PTPRT: variants seen among roughly 807,000 people sequenced by gnomAD.
PTPRT encodes the protein protein tyrosine phosphatase receptor type T.
Under a neutral mutation model 176.8 loss-of-function variants are expected in PTPRT, and 56 were observed. The observed-to-expected ratio is 0.32, with a 90% CI of 0.26 to 0.40. PTPRT has a LOEUF of 0.40. Ranked by LOEUF, PTPRT falls within the 10% of genes least tolerant of loss-of-function variation. The pLI, the probability that PTPRT is intolerant of heterozygous loss-of-function variation, is 1.00. For missense variants in PTPRT, 1,540 were observed against 1,908.2 expected, an observed-to-expected ratio of 0.81 and a Z score of 3.60; for synonymous variants, 783 against 739.0, an observed-to-expected ratio of 1.06 and a Z score of -0.96.
At chr20:42,033,232 C>A in the PTPRT span, among the ~76,000 whole-genome samples, 2 of 152,162 alleles carry the variant, frequency 1.3e-5, no homozygotes, top group Non-Finnish European at 2.9e-5. Flanking sequence ...TCTGAAACAT[C>A]CTTGGAATTT....
At chr20:42,389,451 T>C (rs996134471) in intron 9 of PTPRT, among the ~76,000 whole-genome samples, 10 of 152,142 alleles carry the variant, frequency 6.6e-5, no homozygotes, top group African/African-American at 2.2e-4. Context: ...CAAAACCATA[T>C]ATTGGAAACT....
At chr20:42,132,987 G>C (rs1224939537) in intron 18 of PTPRT, among the ~76,000 whole-genome samples, 1 of 152,202 alleles carries the variant, frequency 6.6e-6, no homozygotes, top group African/African-American at 2.4e-5. Context: ...GGGATGATTA[G>C]ACTTAGGTTT....
intron 1 of PTPRT, among the ~76,000 whole-genome samples, chr20:43,075,654 G>A (rs2011255420): frequency 6.6e-6 from 1 of 152,208 alleles, no homozygotes. Context: ...CCTGACTTTG[G>A]TTAGGCAACT....
intron 9 of PTPRT, among the ~76,000 whole-genome samples, chr20:42,429,957 G>A (rs573885501): frequency 2.0e-5 from 3 of 152,348 alleles, no homozygotes; most frequent in African/African-American, 7.2e-5. Flanking sequence ...GGGCAAGCCC[G>A]CAAGGGCTGA....
chr20:42,892,901 C>T (rs1009824181), intron 1 of PTPRT, among the ~76,000 whole-genome samples: 2 of 152,130 alleles, frequency 1.3e-5, no homozygotes, highest in African/African-American at 4.8e-5. Context: ...TTAAAAAGGA[C>T]CTCCATTCAC....
intron 6 of PTPRT, among the ~76,000 whole-genome samples, chr20:42,735,544 T>G (rs2076527039): frequency 6.6e-6 from 1 of 152,244 alleles, no homozygotes; most frequent in Non-Finnish European, 1.5e-5. Context: ...TTTTTATTTC[T>G]TTTAGGCTGA....
At position 42,135,094 on chromosome 20, in the gene PTPRT, C is replaced by T. The variant is rs116399588; in HGVS notation, c.2771-6264G>A. Among the ~76,000 whole-genome samples, 389 of 152,278 alleles carry T rather than the reference C, an allele frequency of 2.6e-3. 1 individual carries two copies. The highest frequency in any genetic ancestry group is 9.2e-3 in the African/African-American group (381 of 41,546). On this transcript the variant is annotated intron_variant, in intron 18 of 30. Coordinates refer to ENST00000373187, the MANE Select transcript of PTPRT (RefSeq NM_007050.6). ...ACCTGTAGACCCAGCCTATCCCTTCCAAAGACTGGCAGCCAATTCTTGCCT... is the reference window on the plus strand; with the variant it reads ...ACCTGTAGACCCAGCCTATCCCTTCTAAAGACTGGCAGCCAATTCTTGCCT...
intron 1 of PTPRT, among the ~76,000 whole-genome samples, chr20:43,004,642 CA>C (rs1240096736): frequency 6.6e-6 from 1 of 152,034 alleles, no homozygotes; most frequent in Non-Finnish European, 1.5e-5. Context: ...AGAAAATAGA[CA>C]AATAGGTATG....
At chr20:43,093,552 A>G (rs73265841) in intron 1 of PTPRT, among the ~76,000 whole-genome samples, 7,954 of 152,270 alleles carry the variant, frequency 0.052, 714 homozygotes, top group African/African-American at 0.18. Context: ...GCACACACAC[A>G]ACAGGTCTGT....
chr20:42,657,115 G>A (rs1463626697), intron 7 of PTPRT, among the ~76,000 whole-genome samples: 1 of 152,022 alleles, frequency 6.6e-6, no homozygotes, highest in African/African-American at 2.4e-5. Context: ...TTTTATAAGG[G>A]TTTTCCCCCT....
intron 7 of PTPRT, among the ~76,000 whole-genome samples, chr20:42,598,041 C>A (rs1424936802): frequency 1.3e-5 from 2 of 152,040 alleles, no homozygotes; most frequent in African/African-American, 4.8e-5. Flanking sequence ...TATTTGAAAT[C>A]ATGAATATAT....
chr20:42,973,363 C>A (rs1381040895), intron 1 of PTPRT, among the ~76,000 whole-genome samples: 1 of 152,096 alleles, frequency 6.6e-6, no homozygotes, highest in Non-Finnish European at 1.5e-5. Flanking sequence ...ACTTTTGGAC[C>A]TAAAATGTCA....
chr20:42,529,013 C>A (rs1054086413), intron 7 of PTPRT, among the ~76,000 whole-genome samples: 2 of 152,132 alleles, frequency 1.3e-5, no homozygotes, highest in Admixed American at 6.5e-5. Context: ...CTTTTTGAAC[C>A]ATTGTATGCT....
chr20:42,678,268 TAGTC>T (rs2146070909), intron 6 of PTPRT, 109 bp from the exon 7 acceptor site: 1 of 1,041,076 alleles, frequency 9.6e-7, no homozygotes, highest in Non-Finnish European at 1.3e-6. Flanking sequence ...ACAAAAAAAA[TAGTC>T]AGAAACCCCT....
intron 16 of PTPRT, among the ~76,000 whole-genome samples, chr20:42,198,005 T>C (rs944929191): frequency 1.3e-5 from 2 of 152,124 alleles, no homozygotes; most frequent in Non-Finnish European, 2.9e-5. Flanking sequence ...TCCATATCCC[T>C]CAGTTGGGCC....
In PTPRT at chr20:42,826,024, C is replaced by T. The variant is rs1400140454; in HGVS notation, c.215-34558G>A. The stretch of plus-strand genomic sequence containing the variant: ...AAAACCCCCTTTGACATCTGCCATG[C>T]GACCAGATGCCAGTCCCTTCTCAAT... On this transcript the variant is annotated intron_variant, in intron 2 of 30. Transcript: ENST00000373187. 1.2e-4 allele frequency among the ~76,000 whole-genome samples: 19 copies of T among 152,110 alleles called. No individual in the cohort carries two copies. In the South Asian group the frequency reaches 2.7e-3, roughly 22 times the overall value.
intron 8 of PTPRT, among the ~76,000 whole-genome samples, chr20:42,460,911 G>C (rs1298485686): frequency 6.6e-6 from 1 of 152,196 alleles, no homozygotes; most frequent in Non-Finnish European, 1.5e-5. Context: ...CTGTTTAAAA[G>C]GAACCAGCAA....
At chr20:42,530,311 C>T (rs549213647) in intron 7 of PTPRT, among the ~76,000 whole-genome samples, 1 of 152,318 alleles carries the variant, frequency 6.6e-6, no homozygotes, top group African/African-American at 2.4e-5. Flanking sequence ...CTCTAAGTCA[C>T]CCAGCGATTC....
chr20:42,233,339 T>C (rs2056174549), intron 15 of PTPRT, among the ~76,000 whole-genome samples: 1 of 152,202 alleles, frequency 6.6e-6, no homozygotes. Flanking sequence ...CATGACCATT[T>C]CTCACCCCAA....
Sources: gnomAD v4.1 joint callset for allele counts (sites outside exome capture counted in the v4.1 genomes callset) on GRCh38, gnomAD v4.1.1 for gene constraint, MANE v1.5 for transcripts, NCBI Gene and HGNC (gene_info 2026-07-23, HGNC 2026-07-21) for gene names.